The following MSRA variants were observed in gnomAD, a reference collection of about 807,000 sequenced individuals.
MSRA encodes methionine sulfoxide reductase A.
MSRA carries 54 observed loss-of-function variants against 31.3 expected under a neutral mutation model. That is an observed-to-expected ratio of 1.73 (90% CI 1.39 to 2.17). The LOEUF (loss-of-function observed/expected upper bound fraction) is 2.17, where lower values mean the gene tolerates loss of function less well. Among genes scored for constraint, MSRA ranks in the 30% most tolerant of loss-of-function variants. The pLI is 0.00. For missense variants in MSRA, 507 were observed against 300.9 expected (o/e 1.69, Z -5.07); for synonymous variants, 169 against 116.5 (o/e 1.45, Z -2.90).
intron 3 of MSRA, among the ~76,000 whole-genome samples, chr8:10,255,325 C>T (rs1325539234): frequency 6.6e-6 from 1 of 152,214 alleles, no homozygotes; most frequent in Non-Finnish European, 1.5e-5. Flanking sequence ...TCTCTGCCTC[C>T]TTAGAGGTGC....
intron 1 of MSRA, among the ~76,000 whole-genome samples, chr8:10,157,625 C>T (rs1354868602): frequency 6.6e-6 from 1 of 151,904 alleles, no homozygotes; most frequent in African/African-American, 2.4e-5. Flanking sequence ...GTTTTTTACA[C>T]TCTAAAATAA....
intron 5 of MSRA, among the ~76,000 whole-genome samples, chr8:10,420,782 CTA>C (rs1452259709): frequency 1.3e-5 from 2 of 151,908 alleles, no homozygotes; most frequent in East Asian, 3.9e-4. Flanking sequence ...TGAAAAAGTT[CTA>C]GAGATAGTAG....
intron 1 of MSRA, among the ~76,000 whole-genome samples, chr8:10,203,133 C>G (rs557183480): frequency 2.4e-4 from 36 of 152,246 alleles, no homozygotes; most frequent in Non-Finnish European, 4.6e-4. Flanking sequence ...GACAAAGCCG[C>G]CAGGGACCTC....
At chr8:10,132,902 G>T (rs571252865) in intron 1 of MSRA, among the ~76,000 whole-genome samples, 1 of 152,218 alleles carries the variant, frequency 6.6e-6, no homozygotes, top group Non-Finnish European at 1.5e-5. Flanking sequence ...ACGAGTCTTG[G>T]CCATTTGCAT....
chr8:10,228,203 C>G (rs1029839911), intron 2 of MSRA, among the ~76,000 whole-genome samples: 1 of 152,120 alleles, frequency 6.6e-6, no homozygotes, highest in Non-Finnish European at 1.5e-5. Context: ...GATCAAGGAC[C>G]TACAGCTATC....
At chr8:10,210,378 A>C (rs1276040042) in intron 2 of MSRA, among the ~76,000 whole-genome samples, 1 of 152,210 alleles carries the variant, frequency 6.6e-6, no homozygotes, top group Non-Finnish European at 1.5e-5. Flanking sequence ...AACCATGGGA[A>C]GGCCTTATAG....
chr8:10,223,238 A>G (rs1171739535), intron 2 of MSRA, among the ~76,000 whole-genome samples: 2 of 152,202 alleles, frequency 1.3e-5, no homozygotes, highest in Non-Finnish European at 2.9e-5. Context: ...ACTCAGAATC[A>G]TGTTGAAAGT....
At chr8:10,144,049 C>G (rs1414146551) in intron 1 of MSRA, among the ~76,000 whole-genome samples, 4 of 152,066 alleles carry the variant, frequency 2.6e-5, no homozygotes, top group African/African-American at 9.7e-5. Context: ...TTTGTGAAGT[C>G]TGGTGGTAAC....
intron 3 of MSRA, among the ~76,000 whole-genome samples, chr8:10,276,164 T>C (rs536934661): frequency 1.3e-5 from 2 of 152,216 alleles, no homozygotes; most frequent in Non-Finnish European, 2.9e-5. Context: ...TCTGTTTCTT[T>C]ATAGACAAGT....
intron 3 of MSRA, among the ~76,000 whole-genome samples, chr8:10,283,965 T>C (rs749509775): frequency 6.6e-6 from 1 of 151,546 alleles, no homozygotes; most frequent in Non-Finnish European, 1.5e-5. Flanking sequence ...TAAACATGCA[T>C]GTGCAAGTAT....
chr8:10,226,370 T>TC (rs1264610659), intron 2 of MSRA, among the ~76,000 whole-genome samples: 1 of 151,780 alleles, frequency 6.6e-6, no homozygotes, highest in Middle Eastern at 3.2e-3. Context: ...AAGAAGAGGG[T>TC]CCCCTTGTGG....
chr8:10,244,215 CTT>C (rs1797492146), intron 2 of MSRA, among the ~76,000 whole-genome samples: 1 of 152,116 alleles, frequency 6.6e-6, no homozygotes, highest in Admixed American at 6.5e-5. Flanking sequence ...AGGCAGTAAT[CTT>C]TTTTACATCT....
At chr8:10,264,802 A>G (rs550479285) in intron 3 of MSRA, among the ~76,000 whole-genome samples, 9 of 152,346 alleles carry the variant, frequency 5.9e-5, no homozygotes, top group East Asian at 1.9e-4. Context: ...TGAGAGCCCA[A>G]TGCGGAGGGC....
At chr8:10,055,725 T>C (rs1802322423) in intron 1 of MSRA, among the ~76,000 whole-genome samples, 1 of 152,246 alleles carries the variant, frequency 6.6e-6, no homozygotes. Context: ...TAGAAGTTTC[T>C]TTTTCTTTTC....
intron 5 of MSRA, among the ~76,000 whole-genome samples, chr8:10,422,830 T>C (rs1456063787): frequency 6.6e-6 from 1 of 152,138 alleles, no homozygotes; most frequent in Non-Finnish European, 1.5e-5. Flanking sequence ...AGCACCTCTT[T>C]CCAGGCTTTT....
chr8:10,148,089 G>A (rs1044438174), intron 1 of MSRA, among the ~76,000 whole-genome samples: 5 of 152,092 alleles, frequency 3.3e-5, no homozygotes, highest in Admixed American at 1.3e-4. Context: ...GCGAGCACTC[G>A]GAGGCAGTGG....
In MSRA at chr8:10,415,513, G is replaced by T. The variant is rs551300266; in HGVS notation, c.544-12635G>T. ...ATTGCAGGCGATGGAAAATCAGGGG[G>T]TGTGCAGCTGGGTCCCCAGAGACGA... On this transcript the variant is annotated intron_variant, in intron 5 of 5. Transcript: ENST00000317173. Among the ~76,000 whole-genome samples the T allele has an allele frequency of 1.0e-3, 159 of 152,160 alleles. 1 individual carries two copies. Among genetic ancestry groups the T allele is most frequent in the African/African-American group, 3.7e-3 (155 of 41,534 alleles).
intron 3 of MSRA, among the ~76,000 whole-genome samples, chr8:10,247,337 A>C (rs534850214): frequency 6.6e-6 from 1 of 152,260 alleles, no homozygotes; most frequent in South Asian, 2.1e-4. Context: ...CTCAAAGTCT[A>C]TGCCATTGAC....
In MSRA at chr8:10,245,094, C is replaced by A. The variant is rs780150981; in HGVS notation, c.212-10C>A. The A allele has an allele frequency of 3.2e-6, 5 of 1,552,612 alleles. No individual in the cohort carries two copies. Among genetic ancestry groups the A allele is most frequent in the African/African-American group, 1.5e-5 (1 of 67,132 alleles). ...TCAGTATCCTTTTTTTTTCTTTTTT[C>A]TTTTTTAAGGAATGGGATGTTTCTG... On this transcript the variant is annotated splice_polypyrimidine_tract_variant and intron_variant, in intron 2 of 5. Coordinates refer to ENST00000317173, the MANE Select transcript of MSRA (RefSeq NM_012331.5).
Sources: gnomAD v4.1 joint callset for allele counts (sites outside exome capture counted in the v4.1 genomes callset) on GRCh38, gnomAD v4.1.1 for gene constraint, MANE v1.5 for transcripts, NCBI Gene and HGNC (gene_info 2026-07-23, HGNC 2026-07-21) for gene names.